Variants in RASSF3 observed in about 807,000 individuals in gnomAD.
The protein encoded by RASSF3 is Ras association domain family member 3.
Under a neutral mutation model 19.9 loss-of-function variants are expected in RASSF3, and 19 were observed. The observed-to-expected ratio is 0.96, with a 90% CI of 0.67 to 1.40. The LOEUF is 1.40. RASSF3 is among the 40% of genes most tolerant of loss of function. RASSF3 has a pLI of 0.00. For missense variants in RASSF3, 306 were observed against 289.8 expected, an observed-to-expected ratio of 1.06 and a Z score of -0.41; for synonymous variants, 110 against 104.2, an observed-to-expected ratio of 1.06 and a Z score of -0.34.
chr12:64,522,667 G>A (rs575434724), intron 1 of RASSF3, among the ~76,000 whole-genome samples: 19 of 152,174 alleles, frequency 1.2e-4, no homozygotes, highest in Non-Finnish European at 2.6e-4. Context: ...TGAAACTTGT[G>A]TGCCAGGAGT....
chr12:64,526,015 G>A (rs1215625283), intron 1 of RASSF3, among the ~76,000 whole-genome samples: 1 of 152,090 alleles, frequency 6.6e-6, no homozygotes, highest in Non-Finnish European at 1.5e-5. Flanking sequence ...TTATTCTAAC[G>A]ATTCCTAGAA....
At chr12:64,594,662 G>C (rs531236610) in intron 2 of RASSF3, among the ~76,000 whole-genome samples, 1 of 152,064 alleles carries the variant, frequency 6.6e-6, no homozygotes, top group Non-Finnish European at 1.5e-5. Flanking sequence ...ATTATTTTGC[G>C]CTGAAGGCAA....
intron 1 of RASSF3, among the ~76,000 whole-genome samples, chr12:64,512,657 A>G (rs1285823463): frequency 6.6e-6 from 1 of 152,040 alleles, no homozygotes; most frequent in African/African-American, 2.4e-5. Flanking sequence ...ATTGTAATAC[A>G]AAAAAAATCA....
At chr12:64,559,742 C>G (rs1869317543) in intron 2 of RASSF3, among the ~76,000 whole-genome samples, 1 of 152,204 alleles carries the variant, frequency 6.6e-6, no homozygotes, top group South Asian at 2.1e-4. Flanking sequence ...CCTGTGTCCC[C>G]CCCAAAATTG....
rs747066386 is a variant in RASSF3 at position 64,587,051 on chromosome 12, CT to C, written c.294+45365del. On this transcript the variant is annotated intron_variant, in intron 2 of 5. Transcript: ENST00000637125. The stretch of plus-strand genomic sequence containing the variant: ...CATATTCCTCGTATTCCTCGCCTCA[CT>C]TTTTTTTTTTTTTTTTTTGAGACGG... Among the ~76,000 whole-genome samples, 1,134 of 134,072 alleles carry C rather than the reference CT, an allele frequency of 8.5e-3. 1 individual carries two copies. The highest frequency in any genetic ancestry group is 9.8e-3 in the Non-Finnish European group (622 of 63,508). The allele number at this position is 134,072 out of a possible 152,430, so 88.0% of individuals were successfully genotyped here.
At chr12:64,549,810 C>A (rs959747343) in intron 2 of RASSF3, among the ~76,000 whole-genome samples, 6 of 152,178 alleles carry the variant, frequency 3.9e-5, no homozygotes, top group African/African-American at 1.4e-4. Context: ...TGTCTGTGTG[C>A]CACGGATTCA....
chr12:64,539,460 T>G (rs528731723), intron 1 of RASSF3, among the ~76,000 whole-genome samples: 1 of 152,314 alleles, frequency 6.6e-6, no homozygotes, highest in East Asian at 1.9e-4. Flanking sequence ...ATATCTTCTC[T>G]TTTGTAATTT....
chr12:64,567,107 C>T (rs1565840554), intron 2 of RASSF3, among the ~76,000 whole-genome samples: 1 of 152,140 alleles, frequency 6.6e-6, no homozygotes, highest in Non-Finnish European at 1.5e-5. Flanking sequence ...TCAAAAGAGG[C>T]CTGGTTAGAG....
chr12:64,646,853 G>T (rs568881185), intron 1 of RASSF3, among the ~76,000 whole-genome samples: 5 of 152,086 alleles, frequency 3.3e-5, no homozygotes, highest in African/African-American at 1.2e-4. Flanking sequence ...GTTACTGAGG[G>T]CCTCCTCTGG....
intron 2 of RASSF3, among the ~76,000 whole-genome samples, chr12:64,585,267 A>G (rs1869775564): frequency 6.6e-6 from 1 of 152,182 alleles, no homozygotes; most frequent in Admixed American, 6.5e-5. Flanking sequence ...TGCTTTACCA[A>G]GCCTTAGAAG....
chr12:64,517,009 AAAAAAAAAAAAAG>A (rs1322549713), intron 1 of RASSF3, among the ~76,000 whole-genome samples: 1 of 147,584 alleles, frequency 6.8e-6, no homozygotes, highest in Non-Finnish European at 1.5e-5. Flanking sequence ...AAAAAAAAAA[AAAAAAAAAAAAAG>A]AAAGAGAAAG....
rs75650821 is a variant in RASSF3, at chr12:64,613,663, A to G, written c.111+2920A>G. Among the ~76,000 whole-genome samples the G allele has an allele frequency of 1.2e-3, 184 of 152,262 alleles. 6 individuals carry two copies. The East Asian group carries it at 0.034, about 28-fold the overall frequency. On this transcript the variant is annotated intron_variant, in intron 1 of 4. Transcript: ENST00000542104. ...TGGAAAAGGGTTAAAAAACCTGTCT[A>G]GGCCACGTGTGGTAGCTCATGCCTG...
At chr12:64,578,623 T>C (rs1318770454) in intron 2 of RASSF3, among the ~76,000 whole-genome samples, 2 of 151,300 alleles carry the variant, frequency 1.3e-5, no homozygotes, top group African/African-American at 2.4e-5. Context: ...GTGAGATCCC[T>C]GTCTTTACAA....
intron 1 of RASSF3, among the ~76,000 whole-genome samples, chr12:64,617,628 A>T (rs1013889494): frequency 1.3e-5 from 2 of 151,900 alleles, no homozygotes; most frequent in Non-Finnish European, 2.9e-5. Flanking sequence ...TGCGATCTCC[A>T]CTCACCGCAA....
chr12:64,574,247 G>A (rs1420772979), intron 2 of RASSF3, among the ~76,000 whole-genome samples: 1 of 151,550 alleles, frequency 6.6e-6, no homozygotes, highest in Non-Finnish European at 1.5e-5. Flanking sequence ...GGAGACGGAG[G>A]TTGCAGTGAG....
At chr12:64,684,726 C>G in intron 1 of RASSF3, 61 bp from the exon 2 acceptor site, 8 of 1,149,612 alleles carry the variant, frequency 7.0e-6, no homozygotes, top group Non-Finnish European at 9.2e-6. Flanking sequence ...CCACTGCGCC[C>G]GGCCTATCCG....
At chr12:64,661,677 C>CTTTTTTTTT (rs71092993) in intron 1 of RASSF3, among the ~76,000 whole-genome samples, 1 of 78,998 alleles carries the variant, frequency 1.3e-5, no homozygotes, top group Non-Finnish European at 2.4e-5. Context: ...TTTTCTTTTT[C>CTTTTTTTTT]TTTTTTTTTT....
At chr12:64,543,343 C>T (rs1011809771), downstream of RASSF3, among the ~76,000 whole-genome samples, 2 of 150,128 alleles carry the variant, frequency 1.3e-5, no homozygotes, top group Non-Finnish European at 3.0e-5. Flanking sequence ...CGCTCGATTT[C>T]TCGCCGGGCC....
At chr12:64,551,627 T>C (rs1396171980) in intron 2 of RASSF3, among the ~76,000 whole-genome samples, 2 of 152,200 alleles carry the variant, frequency 1.3e-5, no homozygotes. Context: ...TTAGCATTGC[T>C]GTGGAGATTT....
Sources: gnomAD v4.1 joint callset for allele counts (sites outside exome capture counted in the v4.1 genomes callset) on GRCh38, gnomAD v4.1.1 for gene constraint, MANE v1.5 for transcripts, NCBI Gene and HGNC (gene_info 2026-07-23, HGNC 2026-07-21) for gene names.